The following MACC1 variants were observed in gnomAD, a reference collection of about 807,000 sequenced individuals.
MACC1 encodes the protein MET transcriptional regulator MACC1, also known as metastasis-associated in colon cancer protein 1.
A neutral mutation model predicts 70.7 loss-of-function variants in MACC1; 79 were observed. The ratio of observed to expected loss-of-function variants is 1.12; its 90% confidence interval spans 0.93 to 1.35. The LOEUF (loss-of-function observed/expected upper bound fraction) is 1.35, where lower values mean the gene tolerates loss of function less well. Ranked by LOEUF, MACC1 falls within the 40% of genes most tolerant of loss-of-function variation. The probability of loss-of-function intolerance (pLI) is 0.00; values close to 1 mark genes in which losing one functional copy is unlikely to be tolerated. For missense variants in MACC1, 1,106 were observed against 978.1 expected (o/e 1.13, Z -1.74); for synonymous variants, 361 against 347.2 (o/e 1.04, Z -0.44).
At chr7:20,181,227 G>T (rs1290723682) in intron 1 of MACC1, among the ~76,000 whole-genome samples, 1 of 151,806 alleles carries the variant, frequency 6.6e-6, no homozygotes, top group Non-Finnish European at 1.5e-5. Context: ...TCCATATCAG[G>T]TTCTAACAAA....
intron 1 of MACC1, among the ~76,000 whole-genome samples, chr7:20,178,446 C>T (rs1296679530): frequency 1.3e-5 from 2 of 152,112 alleles, no homozygotes; most frequent in South Asian, 2.1e-4. Context: ...CATTATCTTT[C>T]GGCATGTATT....
In MACC1 at chr7:20,140,628, C is replaced by G. The variant is rs1583375576; in HGVS notation, c.*318G>C. On this transcript the variant is annotated 3_prime_UTR_variant, in exon 7 of 7. Transcript: ENST00000400331. ...GAGAGGGCACTTTTCTTTTTTCTTT[C>G]CTTTCTAAGAACAAAGCAGCCTAAT... 1.3e-5 allele frequency: 3 copies of G among 232,320 alleles called. 1 individual carries two copies. Among genetic ancestry groups the G allele is most frequent in the Middle Eastern group, 1.3e-3 (1 of 744 alleles). 14.4% of individuals were successfully genotyped at this position (232,320 alleles called of 1,614,324 possible).
chr7:20,169,886 T>C (rs1782277990), intron 2 of MACC1, among the ~76,000 whole-genome samples: 2 of 152,226 alleles, frequency 1.3e-5, no homozygotes, highest in Admixed American at 1.3e-4. Context: ...TTGCTTTTCC[T>C]CTGGTCTCTC....
In MACC1 at chr7:20,158,228, C is replaced by T; in HGVS notation, c.2133G>A (p.Arg711=). ...KEDCHTERNT[R]KFLYELIVAL... is the part of the protein sequence containing the mutation. ...CCACAATAAGTTCATACAGAAACTT[C>T]CTTGTATTTCTCTCTGTGTGGCAAT... Residue 711 remains arginine (R), a synonymous_variant, in exon 5 of 7, where the codon AGG becomes AGA. Transcript: ENST00000400331. The T allele has an allele frequency of 8.2e-6, 13 of 1,587,312 alleles. No individual in the cohort carries two copies. Among genetic ancestry groups the T allele is most frequent in the Non-Finnish European group, 1.1e-5 (13 of 1,171,656 alleles).
intron 1 of MACC1, among the ~76,000 whole-genome samples, chr7:20,185,736 T>C (rs532691896): frequency 6.6e-5 from 10 of 152,304 alleles, no homozygotes; most frequent in Admixed American, 2.0e-4. Context: ...AAACTTACAA[T>C]AGCTAGCAAT....
intron 1 of MACC1, among the ~76,000 whole-genome samples, chr7:20,180,235 G>A (rs555421711): frequency 6.6e-6 from 1 of 150,688 alleles, no homozygotes; most frequent in South Asian, 2.1e-4. Flanking sequence ...AAGAGGTCAA[G>A]AGATTGAGAC....
At chr7:20,217,148 A>T (rs1783083292) in intron 1 of MACC1, among the ~76,000 whole-genome samples, 151 bp downstream of exon 1, 1 of 152,204 alleles carries the variant, frequency 6.6e-6, no homozygotes, top group Admixed American at 6.5e-5. Flanking sequence ...CCATAAGCCC[A>T]CAGAATACCA....
Position 20,149,701 on chromosome 7 carries a change from T to C in MACC1, c.2346+4492A>G, listed in dbSNP as rs533383939. 9.9e-5 allele frequency among the ~76,000 whole-genome samples: 15 copies of C among 152,166 alleles called. No homozygotes were observed. In the East Asian group the frequency reaches 2.7e-3, roughly 27 times the overall value. The stretch of plus-strand genomic sequence containing the variant: ...GGTGAACTCTCCCCTCCAGGCCACA[T>C]CTTCTCAGTGGTCCCTAGAGCTCAC... On this transcript the variant is annotated intron_variant, in intron 6 of 6. Coordinates refer to ENST00000400331, the MANE Select transcript of MACC1 (RefSeq NM_182762.4).
intron 6 of MACC1, among the ~76,000 whole-genome samples, chr7:20,151,185 G>C (rs1781972019): frequency 6.6e-6 from 1 of 152,104 alleles, no homozygotes; most frequent in Admixed American, 6.5e-5. Flanking sequence ...CATAGAAAAA[G>C]TATTGTCATT....
rs1782228431 is a variant in MACC1, at chr7:20,166,887, A to G, written c.-152-2488T>C. ...TGTGCAGCATAACATCATATTAGTGAGACTAAATCAGGGATATAAAAACAG... is the reference window on the plus strand; with the variant it reads ...TGTGCAGCATAACATCATATTAGTGGGACTAAATCAGGGATATAAAAACAG... On this transcript the variant is annotated intron_variant, in intron 2 of 6. Coordinates refer to ENST00000400331, the MANE Select transcript of MACC1 (RefSeq NM_182762.4). 2.6e-5 allele frequency among the ~76,000 whole-genome samples: 4 copies of G among 152,216 alleles called. No homozygotes were observed. In the South Asian group the frequency reaches 8.3e-4, roughly 32 times the overall value.
Position 20,172,481 on chromosome 7 carries a change from A to C in MACC1, c.-217-1703T>G, listed in dbSNP as rs562237708. Among the ~76,000 whole-genome samples, 8 of 152,348 alleles carry C rather than the reference A, an allele frequency of 5.3e-5. 1 individual carries two copies. The South Asian group carries it at 8.3e-4, about 16-fold the overall frequency. Reference sequence around the variant, plus strand: ...GAAAATAAAATATATAAATATATATACGCACATATATATACACACATATAT... The same window carrying C: ...GAAAATAAAATATATAAATATATATCCGCACATATATATACACACATATAT... On this transcript the variant is annotated intron_variant, in intron 1 of 6. Coordinates refer to ENST00000400331, the MANE Select transcript of MACC1 (RefSeq NM_182762.4).
chr7:20,150,082 A>T (rs2128101234), intron 6 of MACC1, among the ~76,000 whole-genome samples: 3 of 152,340 alleles, frequency 2.0e-5, no homozygotes, highest in Middle Eastern at 6.8e-3. Context: ...TGACTAGCTG[A>T]CAATGAACAT....
chr7:20,161,844 T>C lies in MACC1; in HGVS notation c.19A>G (p.Lys7Glu). The C allele has an allele frequency of 6.2e-7, 1 of 1,611,392 alleles. No individual in the cohort carries two copies. Among genetic ancestry groups the C allele is most frequent in the Non-Finnish European group, 8.5e-7 (1 of 1,177,886 alleles). The change falls in exon 4 of 7, where the codon AAA (lysine) becomes GAA (glutamate). Residue 7 changes from lysine to glutamate, a missense_variant. Transcript: ENST00000400331. The part of the protein sequence containing the change: MLITER[K>E]HFRSGRIAQS... ...GCAATTCTTCCTGACCGAAAATGTT[T>C]TCTTTCAGTGATTAGCATTTTTCCA...
intron 3 of MACC1, among the ~76,000 whole-genome samples, chr7:20,162,164 A>C (rs1232527928): frequency 2.6e-5 from 4 of 152,104 alleles, no homozygotes; most frequent in Admixed American, 2.0e-4. Flanking sequence ...ACAACAACAA[A>C]AAAGTAAGTT....
chr7:20,171,586 G>GT (rs58352135), intron 1 of MACC1, among the ~76,000 whole-genome samples: 17,462 of 129,460 alleles, frequency 0.13, 1,159 homozygotes, highest in Non-Finnish European at 0.17. Context: ...AATTATATCT[G>GT]TTTTTTTTTT....
Position 20,139,866 on chromosome 7 carries a change from G to A in MACC1, c.*1080C>T, listed in dbSNP as rs1781771824. ...CACACACACACACACACACACATGT[G>A]TTTGCATGAGCATGCCAACATAAAG... On this transcript the variant is annotated 3_prime_UTR_variant, in exon 7 of 7. Coordinates refer to ENST00000400331, the MANE Select transcript of MACC1 (RefSeq NM_182762.4). 1 of 149,344 alleles carries A rather than the reference G, an allele frequency of 6.7e-6. No homozygotes were observed. Among genetic ancestry groups the A allele is most frequent in the Non-Finnish European group, 1.5e-5 (1 of 67,720 alleles). 9.3% of individuals were successfully genotyped at this position (149,344 alleles called of 1,614,324 possible).
At chr7:20,147,801 A>G (rs574997150) in intron 6 of MACC1, among the ~76,000 whole-genome samples, 1 of 152,346 alleles carries the variant, frequency 6.6e-6, no homozygotes, top group African/African-American at 2.4e-5. Flanking sequence ...AGGAAGACAG[A>G]GGACCTATTC....
intron 1 of MACC1, among the ~76,000 whole-genome samples, chr7:20,172,696 A>T (rs1782326804): frequency 6.6e-6 from 1 of 152,342 alleles, no homozygotes; most frequent in Non-Finnish European, 1.5e-5. Flanking sequence ...AATTCTTTCA[A>T]TTGACCTAAA....
chr7:20,147,529 A>G (rs1781911262), intron 6 of MACC1: 1 of 152,186 alleles, frequency 6.6e-6, no homozygotes, highest in African/African-American at 2.4e-5. Context: ...CATCATTTAC[A>G]ATATTCAGGT....
Sources: gnomAD v4.1 joint callset for allele counts (sites outside exome capture counted in the v4.1 genomes callset) on GRCh38, gnomAD v4.1.1 for gene constraint, MANE v1.5 for transcripts, NCBI Gene and HGNC (gene_info 2026-07-23, HGNC 2026-07-21) for gene names.